BCAS3: variants seen among roughly 807,000 people sequenced by gnomAD.
The protein encoded by BCAS3 is BCAS4/BCAS3 fusion.
Under a neutral mutation model 116.1 loss-of-function variants are expected in BCAS3, and 53 were observed. The ratio of observed to expected loss-of-function variants is 0.46; its 90% CI spans 0.37 to 0.57. BCAS3 has a LOEUF of 0.57. Among genes scored for constraint, BCAS3 ranks in the 20% least tolerant of loss-of-function variants. The probability of loss-of-function intolerance (pLI) is 0.00; values close to 1 mark genes in which losing one functional copy is unlikely to be tolerated. For synonymous variants in BCAS3, 391 were observed against 408.2 expected (o/e 0.96, Z 0.51); for missense variants, 917 against 1,165.4 (o/e 0.79, Z 3.10).
chr17:60,983,797 C>T (rs1190249626), intron 14 of BCAS3, among the ~76,000 whole-genome samples: 2 of 152,064 alleles, frequency 1.3e-5, no homozygotes, highest in Non-Finnish European at 2.9e-5. Context: ...CTAAGGATGC[C>T]TTTCTTTATA....
intron 17 of BCAS3, among the ~76,000 whole-genome samples, chr17:61,035,274 C>A (rs2066928385): frequency 2.0e-5 from 3 of 152,128 alleles, no homozygotes; most frequent in African/African-American, 7.2e-5. Context: ...TTAAAAAAAT[C>A]AACTCTGCCA....
chr17:61,335,313 A>G (rs1382962022), intron 22 of BCAS3, among the ~76,000 whole-genome samples: 1 of 152,142 alleles, frequency 6.6e-6, no homozygotes, highest in Non-Finnish European at 1.5e-5. Flanking sequence ...CACACTCGCA[A>G]TGTGTCTATA....
rs565857412 is a variant in BCAS3, at chr17:61,377,696, C to A, written c.2593+9202C>A. 1.3e-5 allele frequency: 2 copies of A among 152,348 alleles called. No individual in the cohort carries two copies. The highest frequency in any genetic ancestry group is 3.9e-4 in the East Asian group (2 of 5,172). The allele number at this position is 152,348 out of a possible 1,614,324, so 9.4% of individuals were successfully genotyped here. A position where few individuals can be genotyped will look rare whatever the true frequency, so the allele number is the denominator to read the frequency against. Reference sequence around the variant, plus strand: ...CTGCTGCAGGGAGCACTCGGTCTCTCTCTTTTACTCCTCTCCACGATAGCA... The same window carrying A: ...CTGCTGCAGGGAGCACTCGGTCTCTATCTTTTACTCCTCTCCACGATAGCA... On this transcript the variant is annotated intron_variant, in intron 23 of 23. Transcript: ENST00000407086. The surrounding 1 kb of genome is among the most constrained non-coding windows in gnomAD (Gnocchi z 4.6).
At chr17:61,070,397 A>ATATATATATATG (rs1218400832) in intron 19 of BCAS3, 1 of 175,228 alleles carries the variant, frequency 5.7e-6, no homozygotes, top group African/African-American at 2.7e-5. Context: ...ATATATATAT[A>ATATATATATATG]TATCTTTTCA....
chr17:61,353,097 C>T (rs1227398014), intron 22 of BCAS3, among the ~76,000 whole-genome samples: 1 of 152,092 alleles, frequency 6.6e-6, no homozygotes, highest in East Asian at 1.9e-4. Flanking sequence ...GATAGACAAG[C>T]CGGATGTAAC....
Position 61,229,549 on chromosome 17 carries a change from G to A in BCAS3, c.2426-138778G>A, listed in dbSNP as rs962730084. On this transcript the variant is annotated intron_variant, in intron 22 of 23. Transcript: ENST00000407086. This position sits in a 1 kb window ranked among gnomAD's most constrained non-coding sequence, Gnocchi z 4.4. ...CTTCAAAGCTTCAATTGAAGGACAG[G>A]CTGATACACAATGGCAATTAAATGT... Among the ~76,000 whole-genome samples, 2 of 152,212 alleles carry A rather than the reference G, an allele frequency of 1.3e-5. No individual in the cohort carries two copies. The highest frequency in any genetic ancestry group is 4.8e-5 in the African/African-American group (2 of 41,458).
At chr17:60,966,175 G>C (rs2061650935) in intron 14 of BCAS3, among the ~76,000 whole-genome samples, 1 of 152,058 alleles carries the variant, frequency 6.6e-6, no homozygotes, top group Non-Finnish European at 1.5e-5. Flanking sequence ...CAGATACGTG[G>C]AGTATCTTTT....
At chr17:60,937,303 G>A (rs2059988222) in intron 13 of BCAS3, among the ~76,000 whole-genome samples, 1 of 150,516 alleles carries the variant, frequency 6.6e-6, no homozygotes, top group South Asian at 2.1e-4. Context: ...TTTCTTCCAT[G>A]GGGGTGGGGT....
intron 13 of BCAS3, among the ~76,000 whole-genome samples, chr17:60,934,122 A>C (rs1479480798): frequency 8.5e-5 from 13 of 152,112 alleles, no homozygotes; most frequent in Non-Finnish European, 1.5e-4. Context: ...AGAAAAAAAA[A>C]CATGGTTTTA....
chr17:61,206,055 G>A (rs1048624910), intron 22 of BCAS3, among the ~76,000 whole-genome samples: 9 of 152,114 alleles, frequency 5.9e-5, no homozygotes, highest in South Asian at 4.1e-4. Context: ...TTTCTTTTAC[G>A]TCTGTAGGTT....
chr17:61,375,949 C>A (rs1173892415), intron 23 of BCAS3, among the ~76,000 whole-genome samples: 1 of 152,220 alleles, frequency 6.6e-6, no homozygotes, highest in East Asian at 1.9e-4. Flanking sequence ...GTATTCGCTA[C>A]AGAAAGTAGT....
At chr17:61,002,527 G>A (rs570085799) in intron 15 of BCAS3, 1 of 152,088 alleles carries the variant, frequency 6.6e-6, no homozygotes, top group Non-Finnish European at 1.5e-5. Flanking sequence ...GGATGTTAAT[G>A]TCTTATCAGA....
chr17:60,738,293 A>G (rs1412130886), intron 5 of BCAS3, among the ~76,000 whole-genome samples: 2 of 152,162 alleles, frequency 1.3e-5, no homozygotes, highest in Non-Finnish European at 2.9e-5. Flanking sequence ...TTCGTTTCAG[A>G]TAGAGGGGTG....
At position 61,313,227 on chromosome 17, in the gene BCAS3, C is replaced by T. The variant is rs2054466648; in HGVS notation, c.2426-55100C>T. ...TTTGCTCTAAGAGGAAACTAAGGTT[C>T]AAAGAACCAATACTTTCTCAATGCC... On this transcript the variant is annotated intron_variant, in intron 22 of 23. Coordinates refer to ENST00000407086, the MANE Select transcript of BCAS3 (RefSeq NM_017679.5). The surrounding 1 kb of genome is among the most constrained non-coding windows in gnomAD (Gnocchi z 4.3). Among the ~76,000 whole-genome samples the T allele has an allele frequency of 1.3e-5, 2 of 152,166 alleles. No individual in the cohort carries two copies. Among genetic ancestry groups the T allele is most frequent in the Non-Finnish European group, 2.9e-5 (2 of 68,014 alleles).
intron 19 of BCAS3, among the ~76,000 whole-genome samples, chr17:61,055,796 CTTA>C (rs1338745185): frequency 2.6e-5 from 4 of 152,022 alleles, no homozygotes; most frequent in African/African-American, 9.7e-5. Context: ...TCTTTTCTTT[CTTA>C]TTATTCTAGT....
At chr17:61,096,251 A>T (rs1221378611) in intron 22 of BCAS3, among the ~76,000 whole-genome samples, 1 of 152,130 alleles carries the variant, frequency 6.6e-6, no homozygotes, top group South Asian at 2.1e-4. Context: ...TTTTCTTTCT[A>T]TTATTACATT....
At chr17:60,790,977 G>A (rs914025154) in intron 6 of BCAS3, among the ~76,000 whole-genome samples, 1 of 151,912 alleles carries the variant, frequency 6.6e-6, no homozygotes, top group African/African-American at 2.4e-5. Context: ...CCTGACCTCA[G>A]GTGATCCACC....
chr17:61,168,412 A>G (rs987174122), intron 22 of BCAS3, among the ~76,000 whole-genome samples: 1 of 152,186 alleles, frequency 6.6e-6, no homozygotes, highest in African/African-American at 2.4e-5. Flanking sequence ...TTTGTGTAAA[A>G]AATAAATGCA....
At position 61,203,752 on chromosome 17, in the gene BCAS3, C is replaced by T. The variant is rs1261536790; in HGVS notation, c.2425+119188C>T. Among the ~76,000 whole-genome samples, 2 of 152,080 alleles carry T rather than the reference C, an allele frequency of 1.3e-5. No homozygotes were observed. The highest frequency in any genetic ancestry group is 2.9e-5 in the Non-Finnish European group (2 of 68,026). On this transcript the variant is annotated intron_variant, in intron 22 of 23. Transcript: ENST00000407086. The surrounding 1 kb of genome is among the most constrained non-coding windows in gnomAD (Gnocchi z 5.7). Reference sequence around the variant, plus strand: ...CAGCTGGAACTTTCAGCCTTGTCCCCGAGACCAAAAGCTCAATCAGTGTCA... The same window carrying T: ...CAGCTGGAACTTTCAGCCTTGTCCCTGAGACCAAAAGCTCAATCAGTGTCA...
Sources: allele counts gnomAD v4.1 joint callset (sites outside exome capture counted in the v4.1 genomes callset), GRCh38; gene constraint gnomAD v4.1.1; non-coding constraint Gnocchi (gnomAD v3.1); transcripts MANE v1.5; gene names NCBI Gene and HGNC (gene_info 2026-07-23, HGNC 2026-07-21).